Variants in CSMD3 observed in about 807,000 individuals in gnomAD.
CSMD3 encodes CUB and sushi domain-containing protein 3.
A neutral mutation model predicts 435.2 loss-of-function variants in CSMD3; 177 were observed. The ratio of observed to expected loss-of-function variants is 0.41; its 90% confidence interval spans 0.36 to 0.46. The LOEUF (loss-of-function observed/expected upper bound fraction) is 0.46. CSMD3 is among the 20% of genes least tolerant of loss of function. The probability of loss-of-function intolerance (pLI) is 0.34; values close to 1 mark genes in which losing one functional copy is unlikely to be tolerated. For synonymous variants in CSMD3, 1,656 were observed against 1,520.5 expected, an observed-to-expected ratio of 1.09 and a Z score of -2.07; for missense variants, 4,265 against 4,504.6, an observed-to-expected ratio of 0.95 and a Z score of 1.52.
chr8:112,382,787 C>G (rs1481463651), intron 37 of CSMD3, among the ~76,000 whole-genome samples: 1 of 152,090 alleles, frequency 6.6e-6, no homozygotes, highest in South Asian at 2.1e-4. Flanking sequence ...GTCAGAAGTT[C>G]ACGACCCGCC....
chr8:112,936,210 A>C (rs2083276984), intron 9 of CSMD3, among the ~76,000 whole-genome samples: 1 of 151,578 alleles, frequency 6.6e-6, no homozygotes, highest in African/African-American at 2.4e-5. Context: ...TATTTTTTCT[A>C]TCTTGCTTAC....
chr8:112,263,352 A>G (rs1306008261), intron 61 of CSMD3, among the ~76,000 whole-genome samples: 1 of 152,176 alleles, frequency 6.6e-6, no homozygotes, highest in East Asian at 1.9e-4. Flanking sequence ...AAAAGGACAT[A>G]AATAAAAATA....
At chr8:113,296,975 G>A (rs1197117571) in intron 2 of CSMD3, among the ~76,000 whole-genome samples, 1 of 152,122 alleles carries the variant, frequency 6.6e-6, no homozygotes, top group Non-Finnish European at 1.5e-5. Flanking sequence ...GTAATGGGCA[G>A]ATACAGGGTC....
intron 32 of CSMD3, among the ~76,000 whole-genome samples, chr8:112,421,458 T>G (rs2130281328): frequency 6.6e-6 from 1 of 151,326 alleles, no homozygotes; most frequent in East Asian, 1.9e-4. Flanking sequence ...GCAGGAGAAT[T>G]ACTGGAACCC....
intron 38 of CSMD3, among the ~76,000 whole-genome samples, chr8:112,374,356 A>G (rs1828739817): frequency 6.6e-6 from 1 of 151,862 alleles, no homozygotes; most frequent in Non-Finnish European, 1.5e-5. Context: ...TCTCTTTTTC[A>G]CATCTATTTA....
chr8:112,980,326 T>C (rs533322025), intron 6 of CSMD3, among the ~76,000 whole-genome samples: 1 of 151,352 alleles, frequency 6.6e-6, no homozygotes, highest in Non-Finnish European at 1.5e-5. Flanking sequence ...AAGAAGTTTT[T>C]AGGTACTTAT....
chr8:113,317,548 T>C (rs1213898022), intron 1 of CSMD3, among the ~76,000 whole-genome samples: 1 of 152,236 alleles, frequency 6.6e-6, no homozygotes, highest in Non-Finnish European at 1.5e-5. Context: ...ATCTGTATTC[T>C]TCTTTTTACT....
chr8:113,330,966 G>A (rs2094023265), intron 1 of CSMD3, among the ~76,000 whole-genome samples: 1 of 151,578 alleles, frequency 6.6e-6, no homozygotes, highest in Non-Finnish European at 1.5e-5. Context: ...ACCCAACAAA[G>A]ACCATATAAA....
chr8:113,275,737 T>G (rs2093564423), intron 3 of CSMD3, among the ~76,000 whole-genome samples: 1 of 152,040 alleles, frequency 6.6e-6, no homozygotes, highest in South Asian at 2.1e-4. Flanking sequence ...CAGTGGCTCT[T>G]GCTTGTAATC....
chr8:112,526,483 T>C (rs1382952421), intron 27 of CSMD3, among the ~76,000 whole-genome samples: 1 of 152,066 alleles, frequency 6.6e-6, no homozygotes, highest in African/African-American at 2.4e-5. Flanking sequence ...TAAAAATATT[T>C]GTATATTTTA....
chr8:112,716,350 A>G (rs145803105), intron 13 of CSMD3, among the ~76,000 whole-genome samples: 1 of 152,320 alleles, frequency 6.6e-6, no homozygotes, highest in East Asian at 1.9e-4. Flanking sequence ...TAAAATACCT[A>G]GGAATACAGC....
chr8:113,308,339 G>A (rs2093839395), intron 2 of CSMD3, among the ~76,000 whole-genome samples: 1 of 134,634 alleles, frequency 7.4e-6, no homozygotes, highest in African/African-American at 2.9e-5. Flanking sequence ...CGCGATCTCG[G>A]CTCACTGCAA....
intron 10 of CSMD3, among the ~76,000 whole-genome samples, chr8:112,862,723 G>A (rs1011869329): frequency 6.6e-6 from 1 of 151,922 alleles, no homozygotes; most frequent in African/African-American, 2.4e-5. Flanking sequence ...TTGTATTTGT[G>A]CTTTATACTT....
At chr8:112,639,300 A>T (rs1324094507) in intron 20 of CSMD3, among the ~76,000 whole-genome samples, 1 of 152,168 alleles carries the variant, frequency 6.6e-6, no homozygotes, top group Non-Finnish European at 1.5e-5. Flanking sequence ...ACATAAAAGC[A>T]ATGCTTAATA....
intron 9 of CSMD3, among the ~76,000 whole-genome samples, chr8:112,939,324 C>T (rs576599655): frequency 6.6e-6 from 1 of 152,114 alleles, no homozygotes; most frequent in African/African-American, 2.4e-5. Context: ...GGGAAAACGA[C>T]AGGAAAATAG....
intron 27 of CSMD3, among the ~76,000 whole-genome samples, chr8:112,529,261 T>C (rs1825289361): frequency 6.6e-6 from 1 of 152,088 alleles, no homozygotes; most frequent in Admixed American, 6.6e-5. Context: ...GGACTGGTAG[T>C]GTCATAGTTT....
intron 1 of CSMD3, among the ~76,000 whole-genome samples, chr8:113,338,730 T>C (rs894870268): frequency 6.6e-6 from 1 of 151,902 alleles, no homozygotes; most frequent in Non-Finnish European, 1.5e-5. Flanking sequence ...CAGAGGTAAG[T>C]GGCTGGGTAG....
intron 3 of CSMD3, among the ~76,000 whole-genome samples, chr8:113,261,462 T>C (rs2093426747): frequency 1.3e-5 from 2 of 152,168 alleles, no homozygotes; most frequent in African/African-American, 2.4e-5. Flanking sequence ...TTGGTCTGTC[T>C]CTAGCATTGA....
chr8:113,069,815 C>G (rs2089025845), intron 5 of CSMD3, among the ~76,000 whole-genome samples: 1 of 152,052 alleles, frequency 6.6e-6, no homozygotes, highest in African/African-American at 2.4e-5. Context: ...TGAAAAGCCC[C>G]TTTATGACTG....
Sources: gnomAD v4.1 joint callset for allele counts (sites outside exome capture counted in the v4.1 genomes callset) on GRCh38, gnomAD v4.1.1 for gene constraint, MANE v1.5 for transcripts, NCBI Gene and HGNC (gene_info 2026-07-23, HGNC 2026-07-21) for gene names.